B3GAT2: variants seen among roughly 807,000 people sequenced by gnomAD.
B3GAT2 encodes the protein galactosylgalactosylxylosylprotein 3-beta-glucuronosyltransferase 2.
Under a neutral mutation model 27.8 loss-of-function variants are expected in B3GAT2, and 26 were observed. That is an observed-to-expected ratio of 0.93 (90% CI 0.68 to 1.30). The LOEUF (loss-of-function observed/expected upper bound fraction) is 1.30, where lower values mean the gene tolerates loss of function less well. Among genes scored for constraint, B3GAT2 ranks in the 50% most tolerant of loss-of-function variants. The pLI is 0.00. For synonymous variants in B3GAT2, 218 were observed against 195.1 expected, an observed-to-expected ratio of 1.12 and a Z score of -0.98; for missense variants, 458 against 459.0, an observed-to-expected ratio of 1.00 and a Z score of 0.02.
In B3GAT2 at chr6:70,934,170, T is replaced by G. The variant is rs557440304; in HGVS notation, c.591+21669A>C. Among the ~76,000 whole-genome samples, 3 of 152,326 alleles carry G rather than the reference T, an allele frequency of 2.0e-5. No individual in the cohort carries two copies. In the East Asian group the frequency reaches 5.8e-4, roughly 29 times the overall value. Reference sequence around the variant, plus strand: ...TACTCTTTCAACCAAAAGAGCAGTTTTTCAGACTGGGAGTGCATGATACCT... The same window carrying G: ...TACTCTTTCAACCAAAAGAGCAGTTGTTCAGACTGGGAGTGCATGATACCT... On this transcript the variant is annotated intron_variant, in intron 1 of 3. Coordinates refer to ENST00000230053, the MANE Select transcript of B3GAT2 (RefSeq NM_080742.3).
At chr6:70,914,537 A>T (rs1184145286) in intron 1 of B3GAT2, among the ~76,000 whole-genome samples, 9 of 151,574 alleles carry the variant, frequency 5.9e-5, no homozygotes, top group South Asian at 2.1e-4. Flanking sequence ...TATTATTATT[A>T]TTTTTTTTAA....
chr6:70,873,547 C>T (rs1771969799), intron 2 of B3GAT2, among the ~76,000 whole-genome samples: 1 of 151,900 alleles, frequency 6.6e-6, no homozygotes, highest in Non-Finnish European at 1.5e-5. Context: ...AGGTATGAAT[C>T]TCTGAGTTTA....
chr6:70,874,210 C>A (rs968743723), intron 2 of B3GAT2, among the ~76,000 whole-genome samples: 1 of 152,074 alleles, frequency 6.6e-6, no homozygotes, highest in African/African-American at 2.4e-5. Context: ...GTTAGTTGTT[C>A]TTTTATTGTT....
intron 2 of B3GAT2, among the ~76,000 whole-genome samples, chr6:70,881,225 G>A (rs1007739867): frequency 7.9e-5 from 12 of 152,104 alleles, no homozygotes; most frequent in Non-Finnish European, 1.5e-5. Flanking sequence ...CAGCAGTCAT[G>A]CCTTTTATTT....
At chr6:70,862,115 AG>A (rs1475279749) in intron 2 of B3GAT2, 137 bp from the exon 3 acceptor site, 2 of 741,034 alleles carry the variant, frequency 2.7e-6, no homozygotes. Context: ...AAAGTTGAAT[AG>A]GAACATTACC....
chr6:70,954,119 C>A (rs967194577), intron 1 of B3GAT2, among the ~76,000 whole-genome samples: 7 of 152,156 alleles, frequency 4.6e-5, no homozygotes, highest in Non-Finnish European at 1.0e-4. Context: ...TTGTCACAGA[C>A]GAGGCAACTT....
At chr6:70,898,648 A>G (rs986902039) in intron 1 of B3GAT2, among the ~76,000 whole-genome samples, 5 of 152,350 alleles carry the variant, frequency 3.3e-5, no homozygotes, top group African/African-American at 1.2e-4. Flanking sequence ...GCTTTTGCCC[A>G]GAACGCTAAA....
chr6:70,894,036 T>C (rs1772335666), intron 2 of B3GAT2, 92 bp downstream of exon 2: 2 of 1,357,772 alleles, frequency 1.5e-6, no homozygotes, highest in Non-Finnish European at 1.9e-6. Context: ...TCCAAATTTG[T>C]CTTTTAAAGC....
intron 1 of B3GAT2, among the ~76,000 whole-genome samples, chr6:70,897,176 C>A (rs1476729520): frequency 6.6e-6 from 1 of 152,016 alleles, no homozygotes; most frequent in East Asian, 1.9e-4. Flanking sequence ...ATGCTTACTG[C>A]TATCTGTATC....
intron 1 of B3GAT2, among the ~76,000 whole-genome samples, chr6:70,910,498 A>G (rs1301808002): frequency 1.3e-5 from 2 of 152,192 alleles, no homozygotes; most frequent in African/African-American, 2.4e-5. Flanking sequence ...TGCAAAGGAC[A>G]TCATCTTATT....
intron 1 of B3GAT2, among the ~76,000 whole-genome samples, chr6:70,941,864 A>G (rs1193255270): frequency 6.6e-6 from 1 of 152,196 alleles, no homozygotes. Flanking sequence ...CAGATACAAC[A>G]GTAAACAAAA....
At chr6:70,926,992 A>G (rs1327974443) in intron 1 of B3GAT2, among the ~76,000 whole-genome samples, 1 of 152,198 alleles carries the variant, frequency 6.6e-6, no homozygotes, top group South Asian at 2.1e-4. Context: ...CAGAAACACT[A>G]CAAGCCAGAA....
intron 1 of B3GAT2, among the ~76,000 whole-genome samples, chr6:70,927,517 G>T (rs1164993439): frequency 1.3e-5 from 2 of 152,120 alleles, no homozygotes; most frequent in African/African-American, 2.4e-5. Flanking sequence ...AAAACCGGGG[G>T]TTGCTATCCT....
intron 1 of B3GAT2, among the ~76,000 whole-genome samples, chr6:70,947,143 T>C (rs925943604): frequency 2.0e-5 from 3 of 151,402 alleles, no homozygotes; most frequent in African/African-American, 7.3e-5. Context: ...AGATTCAAAA[T>C]TGACACCCTA....
chr6:70,926,835 G>C (rs1014972210), intron 1 of B3GAT2, among the ~76,000 whole-genome samples: 17 of 152,136 alleles, frequency 1.1e-4, no homozygotes, highest in African/African-American at 4.1e-4. Flanking sequence ...ACGCCACAAA[G>C]ATACTCCTCC....
chr6:70,859,373 A>C lies in B3GAT2; in HGVS notation c.*2290T>G. On this transcript the variant is annotated 3_prime_UTR_variant, in exon 4 of 4. Coordinates refer to ENST00000230053, the MANE Select transcript of B3GAT2 (RefSeq NM_080742.3). ...CTGTTCTCCAGCACTCCATCAGTGC[A>C]ATCTACTGGCCAATGACAAGGTGGT... 6.5e-7 allele frequency: 1 copy of C among 1,549,538 alleles called. No individual in the cohort carries two copies.
At chr6:70,943,122 C>T (rs1316951959) in intron 1 of B3GAT2, among the ~76,000 whole-genome samples, 1 of 152,198 alleles carries the variant, frequency 6.6e-6, no homozygotes, top group African/African-American at 2.4e-5. Context: ...TGGTAGAGAA[C>T]ATGGCTGTCC....
At chr6:70,873,763 GATC>G (rs1771973425) in intron 2 of B3GAT2, among the ~76,000 whole-genome samples, 1 of 151,778 alleles carries the variant, frequency 6.6e-6, no homozygotes, top group African/African-American at 2.4e-5. Flanking sequence ...CCTTAAACTG[GATC>G]ATATCAATTT....
chr6:70,897,750 G>A (rs1185819308), intron 1 of B3GAT2, among the ~76,000 whole-genome samples: 1 of 150,954 alleles, frequency 6.6e-6, no homozygotes, highest in African/African-American at 2.4e-5. Flanking sequence ...ATAGTTTTAG[G>A]TAATATATTT....
Sources: gnomAD v4.1 joint callset for allele counts (sites outside exome capture counted in the v4.1 genomes callset) on GRCh38, gnomAD v4.1.1 for gene constraint, MANE v1.5 for transcripts, NCBI Gene and HGNC (gene_info 2026-07-23, HGNC 2026-07-21) for gene names.